TEK: variants seen among roughly 807,000 people sequenced by gnomAD.
The protein encoded by TEK is TEK receptor tyrosine kinase, also known as angiopoietin-1 receptor.
In TEK, 43 loss-of-function variants were observed where a neutral mutation model predicts 131.8. That is an observed-to-expected ratio of 0.33 (90% CI 0.26 to 0.42). The LOEUF is 0.42. Among genes scored for constraint, TEK ranks in the 10% least tolerant of loss-of-function variants. The pLI, the probability that TEK is intolerant of heterozygous loss-of-function variation, is 1.00. For synonymous variants in TEK, 580 were observed against 491.6 expected (o/e 1.18, Z -2.38); for missense variants, 1,162 against 1,384.4 (o/e 0.84, Z 2.55).
intron 12 of TEK, chr9:27,198,472 C>G (rs1349395837): frequency 6.6e-6 from 1 of 152,226 alleles, no homozygotes; most frequent in Non-Finnish European, 1.5e-5. Flanking sequence ...TTTGGCCACT[C>G]TTTTATTGCA....
intron 1 of TEK, among the ~76,000 whole-genome samples, chr9:27,140,781 C>G (rs990112775): frequency 1.3e-5 from 2 of 151,766 alleles, no homozygotes; most frequent in African/African-American, 4.8e-5. Context: ...ACAGTTTATC[C>G]TTTATATATT....
intron 13 of TEK, among the ~76,000 whole-genome samples, chr9:27,203,537 A>C (rs969287700): frequency 2.7e-5 from 4 of 150,642 alleles, no homozygotes; most frequent in Non-Finnish European, 5.9e-5. Flanking sequence ...GTCTTCTTCT[A>C]CTTTACTGAT....
chr9:27,209,334 T>G (rs771142738), intron 16 of TEK, 103 bp downstream of exon 16: 12 of 857,726 alleles, frequency 1.4e-5, no homozygotes, highest in Non-Finnish European at 1.7e-5. Context: ...GTTGCCTATT[T>G]TTTTTAAAGT....
chr9:27,208,165 A>G (rs956434439), intron 15 of TEK, among the ~76,000 whole-genome samples: 4 of 152,174 alleles, frequency 2.6e-5, no homozygotes, highest in African/African-American at 9.7e-5. Flanking sequence ...ACCTCACTAT[A>G]AAGAACTTTA....
At chr9:27,135,416 A>G (rs1822385784) in intron 1 of TEK, among the ~76,000 whole-genome samples, 1 of 152,040 alleles carries the variant, frequency 6.6e-6, no homozygotes, top group South Asian at 2.1e-4. Context: ...ACTGTTTTGC[A>G]GGGGAAAAAA....
intron 9 of TEK, among the ~76,000 whole-genome samples, chr9:27,187,990 G>A (rs1223592290): frequency 6.6e-6 from 1 of 152,070 alleles, no homozygotes; most frequent in African/African-American, 2.4e-5. Context: ...GTGATTTGGG[G>A]GGAATACAAT....
chr9:27,202,776 T>C, intron 12 of TEK, 44 bp from the exon 13 acceptor site: 2 of 1,581,680 alleles, frequency 1.3e-6, no homozygotes, highest in Non-Finnish European at 1.7e-6. Context: ...ATCTAGGCCA[T>C]GGTAGTATAT....
Position 27,180,230 on chromosome 9 carries a change from C to T in TEK, c.902-10C>T, listed in dbSNP as rs41272241. ...GATTAATACTGGTTTTTTGATGTCTCTGTTTACAGCATGCCACCCTGGTTT... is the reference window on the plus strand; with the variant it reads ...GATTAATACTGGTTTTTTGATGTCTTTGTTTACAGCATGCCACCCTGGTTT... On this transcript the variant is annotated splice_polypyrimidine_tract_variant and intron_variant, in intron 6 of 22. Transcript: ENST00000380036. 0.012 allele frequency: 19,763 copies of T among 1,613,640 alleles called. 158 individuals are homozygous for T. Among genetic ancestry groups the T allele is most frequent in the Middle Eastern group, 0.026 (157 of 6,054 alleles).
intron 22 of TEK, 44 bp from the exon 23 acceptor site, chr9:27,229,114 G>C (rs150025106): frequency 6.3e-7 from 1 of 1,584,884 alleles, no homozygotes; most frequent in South Asian, 1.1e-5. Context: ...GGCAGAGGTG[G>C]AATCAAAGCA....
In TEK at chr9:27,212,852, C is replaced by T. The variant is rs150499673; in HGVS notation, c.2832C>T (p.Phe944=). The part of the protein sequence containing the change: ...STLSSQQLLH[F]AADVARGMDY... ...TGTCCTCCCAGCAGCTCCTTCACTT[C>T]GCTGCCGACGTGGCCCGGGGCATGG... is the stretch of plus-strand genomic sequence containing the variant. Residue 944 remains phenylalanine (F), a synonymous_variant, in exon 17 of 23, where the codon TTC becomes TTT. Transcript: ENST00000380036. The T allele has an allele frequency of 2.8e-5, 45 of 1,614,130 alleles. No individual in the cohort carries two copies. In the African/African-American group the frequency reaches 3.9e-4, roughly 14 times the overall value.
At chr9:27,224,015 A>G (rs988940616) in intron 21 of TEK, among the ~76,000 whole-genome samples, 19 of 152,224 alleles carry the variant, frequency 1.2e-4, no homozygotes, top group Admixed American at 3.9e-4. Flanking sequence ...ATCTAGAAGA[A>G]ATGGATAAAT....
In TEK at chr9:27,209,244, T is replaced by A. The variant is rs763454184; in HGVS notation, c.2686+13T>A. 1.3e-6 allele frequency: 2 copies of A among 1,529,794 alleles called. No individual in the cohort carries two copies. The highest frequency in any genetic ancestry group is 3.3e-5 in the Admixed American group (2 of 59,902). 94.8% of individuals were successfully genotyped at this position (1,529,794 alleles called of 1,614,324 possible). A position where few individuals can be genotyped will look rare whatever the true frequency, so the allele number is the denominator to read the frequency against. The stretch of plus-strand genomic sequence containing the variant: ...TGTGAACATCGAGGTAAGATGCTCT[T>A]TTCCTGTCTTTCCTGCCAGAGTTTT... On this transcript the variant is annotated intron_variant, in intron 16 of 22. Coordinates refer to ENST00000380036, the MANE Select transcript of TEK (RefSeq NM_000459.5).
At chr9:27,182,830 T>C (rs554327257) in intron 7 of TEK, among the ~76,000 whole-genome samples, 2 of 152,340 alleles carry the variant, frequency 1.3e-5, no homozygotes, top group South Asian at 4.1e-4. Context: ...TCTTTCAATA[T>C]TGGCAGCAAC....
Position 27,192,508 on chromosome 9 carries a change from A to C in TEK, c.1509A>C (p.Thr503=). ...QHIQVTNEIV[T]LNYLEPRTEY... Reference sequence around the variant, plus strand: ...TCTCAGTGACAAATGAGATTGTTACACTCAACTATTTGGAACCTCGGACAG... The same window carrying C: ...TCTCAGTGACAAATGAGATTGTTACCCTCAACTATTTGGAACCTCGGACAG... The change falls in exon 11 of 23, where the codon ACA becomes ACC. Residue 503 remains threonine (T), a synonymous_variant. Coordinates refer to ENST00000380036, the MANE Select transcript of TEK (RefSeq NM_000459.5). 1 of 1,613,950 alleles carries C rather than the reference A, an allele frequency of 6.2e-7. No homozygotes were observed. The highest frequency in any genetic ancestry group is 8.5e-7 in the Non-Finnish European group (1 of 1,179,918).
At chr9:27,193,124 GC>G (rs1316755731) in intron 11 of TEK, among the ~76,000 whole-genome samples, 3 of 152,092 alleles carry the variant, frequency 2.0e-5, no homozygotes, top group Non-Finnish European at 4.4e-5. Flanking sequence ...AGAATAAGAA[GC>G]TTTTATCTAA....
intron 1 of TEK, among the ~76,000 whole-genome samples, chr9:27,123,845 C>T (rs748857168): frequency 3.9e-5 from 6 of 152,194 alleles, no homozygotes; most frequent in African/African-American, 7.2e-5. Flanking sequence ...GGCATGATTT[C>T]GGCTCACTGC....
chr9:27,208,837 G>T (rs932310546), intron 15 of TEK, among the ~76,000 whole-genome samples: 5 of 152,326 alleles, frequency 3.3e-5, no homozygotes, highest in African/African-American at 1.2e-4. Flanking sequence ...GGGGGCATTT[G>T]GCAATATCTG....
chr9:27,224,349 G>C (rs569052988), intron 21 of TEK, among the ~76,000 whole-genome samples: 1 of 152,044 alleles, frequency 6.6e-6, no homozygotes, highest in Non-Finnish European at 1.5e-5. Context: ...ACATTGATGC[G>C]AAAATTCTCA....
At chr9:27,219,157 G>T (rs917175079) in intron 20 of TEK, among the ~76,000 whole-genome samples, 3 of 152,106 alleles carry the variant, frequency 2.0e-5, no homozygotes, top group African/African-American at 7.2e-5. Flanking sequence ...GTGAAAATAT[G>T]TAATAATTTC....
Sources: allele counts gnomAD v4.1 joint callset (sites outside exome capture counted in the v4.1 genomes callset), GRCh38; gene constraint gnomAD v4.1.1; transcripts MANE v1.5; gene names NCBI Gene and HGNC (gene_info 2026-07-23, HGNC 2026-07-21).